The following ZNF556 variants were observed in gnomAD, a reference collection of about 807,000 sequenced individuals.
The protein encoded by ZNF556 is zinc finger protein 556.
In ZNF556, 11 loss-of-function variants were observed where a neutral mutation model predicts 13.6. The observed-to-expected ratio is 0.81, with a 90% CI of 0.51 to 1.33. The LOEUF (loss-of-function observed/expected upper bound fraction) is 1.33. ZNF556 is among the 40% of genes most tolerant of loss of function. The pLI, the probability that ZNF556 is intolerant of heterozygous loss-of-function variation, is 0.00. For synonymous variants in ZNF556, 229 were observed against 207.8 expected (o/e 1.10, Z -0.88); for missense variants, 633 against 566.2 (o/e 1.12, Z -1.20).
Position 2,873,168 on chromosome 19 carries a change from AATC to A in ZNF556, c.4-327_4-325del, listed in dbSNP as rs2087819595. 7.9e-5 allele frequency among the ~76,000 whole-genome samples: 12 copies of A among 152,054 alleles called. No individual in the cohort carries two copies. The East Asian group carries it at 2.3e-3, about 29-fold the overall frequency. The stretch of plus-strand genomic sequence containing the variant: ...AAAAATGAAATGTACTAAGAGTGTA[AATC>A]TTACTTGTTCTTACCATCAGATTTT... On this transcript the variant is annotated intron_variant, in intron 1 of 3. Coordinates refer to ENST00000307635, the MANE Select transcript of ZNF556 (RefSeq NM_024967.3).
At chr19:2,874,339 G>A (rs988560704) in intron 2 of ZNF556, among the ~76,000 whole-genome samples, 3 of 152,122 alleles carry the variant, frequency 2.0e-5, no homozygotes, top group African/African-American at 7.2e-5. Flanking sequence ...GGAATACATT[G>A]GTTAATAAGA....
In ZNF556 at chr19:2,867,371, C is replaced by T; in HGVS notation, c.-51C>T. On this transcript the variant is annotated 5_prime_UTR_variant, in exon 1 of 4. Transcript: ENST00000307635. The stretch of plus-strand genomic sequence containing the variant: ...GGTGTCCCCGTCGTGCTCACCTGCA[C>T]CGGCTGCGAGGAGCAGGGAGCTCCT... The T allele has an allele frequency of 1.3e-6, 2 of 1,567,706 alleles. No individual in the cohort carries two copies. Among genetic ancestry groups the T allele is most frequent in the Non-Finnish European group, 1.7e-6 (2 of 1,155,934 alleles).
Position 2,878,313 on chromosome 19 carries a change from C to G in ZNF556, c.1355C>G (p.Ser452Cys). Residue 452 changes from serine to cysteine, a missense_variant, in exon 4 of 4, where the codon TCC (serine) becomes TGC (cysteine). Physicochemically the swap from Ser to Cys is moderately radical, Grantham distance 112. Coordinates refer to ENST00000307635, the MANE Select transcript of ZNF556 (RefSeq NM_024967.3). ...GHVRSHTGKK[S>C]CTSK is the part of the protein sequence containing the mutation. ...GTGAGAAGTCACACAGGAAAGAAAT[C>G]CTGTACATCTAAGTAATGGGGGAAA... 6.2e-7 allele frequency: 1 copy of G among 1,613,242 alleles called. No individual in the cohort carries two copies.
At position 2,877,536 on chromosome 19, in the gene ZNF556, A is replaced by G. The variant is rs1007151111; in HGVS notation, c.578A>G (p.His193Arg). Reference sequence around the variant, plus strand: ...AGTCGCCCTTCCTACCTACAGACGCATGAGAAAACTCACAGTGGAGAGAAA... The same window carrying G: ...AGTCGCCCTTCCTACCTACAGACGCGTGAGAAAACTCACAGTGGAGAGAAA... ...AFSRPSYLQT[H>R]EKTHSGEKPY... The change falls in exon 4 of 4, where the codon CAT becomes CGT. Residue 193 changes from histidine (H) to arginine (R), a missense_variant. Transcript: ENST00000307635. The G allele has an allele frequency of 2.5e-6, 4 of 1,614,082 alleles. No individual in the cohort carries two copies. The Admixed American group carries it at 5.0e-5, about 20-fold the overall frequency.
intron 2 of ZNF556, among the ~76,000 whole-genome samples, 169 bp from the exon 3 acceptor site, chr19:2,875,924 G>A (rs1015146267): frequency 8.5e-5 from 13 of 152,126 alleles, no homozygotes; most frequent in Middle Eastern, 3.4e-3. Context: ...AGATCGCGCC[G>A]CTGCACTCCA....
chr19:2,870,592 C>G (rs959086507), intron 1 of ZNF556, among the ~76,000 whole-genome samples: 12 of 151,276 alleles, frequency 7.9e-5, no homozygotes, highest in African/African-American at 2.7e-4. Flanking sequence ...ACTAAAAATA[C>G]AAAAATCAGT....
In ZNF556 at chr19:2,882,361, G is replaced by C. The variant is rs1419960216; in HGVS notation, c.*4032G>C. 2 of 151,532 alleles carry C rather than the reference G, an allele frequency of 1.3e-5. No homozygotes were observed. The highest frequency in any genetic ancestry group is 2.9e-5 in the Non-Finnish European group (2 of 67,902). The allele number at this position is 151,532 out of a possible 1,614,324, so 9.4% of individuals were successfully genotyped here. ...GAGAATGGCGTGAACCCAGGAGGCG[G>C]AACTTGCAGTGAGCAGAGATCGAAC... On this transcript the variant is annotated 3_prime_UTR_variant, in exon 4 of 4. Transcript: ENST00000307635.
At chr19:2,874,515 C>T (rs1039440814) in intron 2 of ZNF556, among the ~76,000 whole-genome samples, 11 of 151,912 alleles carry the variant, frequency 7.2e-5, no homozygotes, top group Admixed American at 2.6e-4. Flanking sequence ...GAGGCCGAGG[C>T]GGGCGGATCA....
Position 2,882,531 on chromosome 19 carries a change from A to ATATATATATAGTGTGTGTGTGTGTGT in ZNF556, c.*4202_*4203insTATATATATAGTGTGTGTGTGTGTGT, listed in dbSNP as rs57053138. The ATATATATATAGTGTGTGTGTGTGTGT allele has an allele frequency of 2.3e-5, 3 of 127,722 alleles. No individual in the cohort carries two copies. Among genetic ancestry groups the ATATATATATAGTGTGTGTGTGTGTGT allele is most frequent in the African/African-American group, 9.1e-5 (3 of 32,940 alleles). 7.9% of individuals were successfully genotyped at this position (127,722 alleles called of 1,614,324 possible). A position where few individuals can be genotyped will look rare whatever the true frequency, so the allele number is the denominator to read the frequency against. On this transcript the variant is annotated 3_prime_UTR_variant, in exon 4 of 4. Coordinates refer to ENST00000307635, the MANE Select transcript of ZNF556 (RefSeq NM_024967.3). ...ATACATTTTATATATATATATATAT[A>ATATATATATAGTGTGTGTGTGTGTGT]GTGTGTGTGTGTGTGTGTGTGTGTG...
At position 2,881,006 on chromosome 19, in the gene ZNF556, T is replaced by A. The variant is rs1358673658; in HGVS notation, c.*2677T>A. 6.6e-6 allele frequency: 1 copy of A among 151,328 alleles called. No homozygotes were observed. The highest frequency in any genetic ancestry group is 1.5e-5 in the Non-Finnish European group (1 of 67,922). The allele number at this position is 151,328 out of a possible 1,614,324, so 9.4% of individuals were successfully genotyped here. A position where few individuals can be genotyped will look rare whatever the true frequency, so the allele number is the denominator to read the frequency against. On this transcript the variant is annotated 3_prime_UTR_variant, in exon 4 of 4. Coordinates refer to ENST00000307635, the MANE Select transcript of ZNF556 (RefSeq NM_024967.3). ...CCTCAGCCTCCTGAAGAGCTGGGAT[T>A]ACAGGCACCCGCCACCACACCCGGC...
chr19:2,882,602 T>G lies in ZNF556; in HGVS notation c.*4273T>G, dbSNP rs1414604424. 3.3e-5 allele frequency: 5 copies of G among 150,986 alleles called. No individual in the cohort carries two copies. Among genetic ancestry groups the G allele is most frequent in the African/African-American group, 9.8e-5 (4 of 40,838 alleles). The allele number at this position is 150,986 out of a possible 1,614,324, so 9.4% of individuals were successfully genotyped here. A position where few individuals can be genotyped will look rare whatever the true frequency, so the allele number is the denominator to read the frequency against. On this transcript the variant is annotated 3_prime_UTR_variant, in exon 4 of 4. Transcript: ENST00000307635. ...ACGGAGTTTTGCTCTGTTGCCAGGC[T>G]GGAGTGCAGTGGTGCGATCTCAGCT... is the stretch of plus-strand genomic sequence containing the variant.
rs377752421 is a variant in ZNF556, at chr19:2,867,712, C to CAAAAAA, written c.3+289_3+294dup. Among the ~76,000 whole-genome samples, 12 of 85,556 alleles carry CAAAAAA rather than the reference C, an allele frequency of 1.4e-4. 3 individuals are homozygous for CAAAAAA. Among genetic ancestry groups the CAAAAAA allele is most frequent in the Admixed American group, 3.6e-4 (3 of 8,244 alleles). The allele number at this position is 85,556 out of a possible 152,430, so 56.1% of individuals were successfully genotyped here. The stretch of plus-strand genomic sequence containing the variant: ...TTGGAAGAAAAACTAACCCAAAGTA[C>CAAAAAA]AAAAAACAAAACAAAAAAAAAAAAA... On this transcript the variant is annotated intron_variant, in intron 1 of 3. Transcript: ENST00000307635.
chr19:2,871,952 G>C (rs111453007), intron 1 of ZNF556, among the ~76,000 whole-genome samples: 7,303 of 152,228 alleles, frequency 0.048, 581 homozygotes, highest in African/African-American at 0.17. Context: ...CCTTCCCTGC[G>C]TGGCAGCCGA....
chr19:2,868,782 G>C (rs978524592), intron 1 of ZNF556, among the ~76,000 whole-genome samples: 1 of 150,244 alleles, frequency 6.7e-6, no homozygotes, highest in African/African-American at 2.5e-5. Context: ...GCAATGGCGC[G>C]ATCTCTGCTT....
In ZNF556 at chr19:2,878,341, C is replaced by G; in HGVS notation, c.*12C>G. On this transcript the variant is annotated 3_prime_UTR_variant, in exon 4 of 4. Coordinates refer to ENST00000307635, the MANE Select transcript of ZNF556 (RefSeq NM_024967.3). ...GTACATCTAAGTAATGGGGGAAAAC[C>G]TGTGCAAATTAATTCACATACATGG... The G allele has an allele frequency of 6.2e-7, 1 of 1,608,116 alleles. No individual in the cohort carries two copies. Among genetic ancestry groups the G allele is most frequent in the Middle Eastern group, 1.7e-4 (1 of 6,024 alleles).
At position 2,878,612 on chromosome 19, in the gene ZNF556, C is replaced by CT; in HGVS notation, c.*285dup. ...AACGGCGTGAACCCGGGAGGCGGAG[C>CT]TTGCAGTGAGCCGAGATGGCACCAC... On this transcript the variant is annotated 3_prime_UTR_variant, in exon 4 of 4. Transcript: ENST00000307635. 3.6e-6 allele frequency: 1 copy of CT among 276,512 alleles called. No individual in the cohort carries two copies. Among genetic ancestry groups the CT allele is most frequent in the Non-Finnish European group, 6.9e-6 (1 of 144,210 alleles). 17.1% of individuals were successfully genotyped at this position (276,512 alleles called of 1,614,324 possible).
At position 2,872,131 on chromosome 19, in the gene ZNF556, T is replaced by C. The variant is rs940581415; in HGVS notation, c.4-1365T>C. ...GGAGCGTGACCACTGAAGCACAGTA[T>C]CACAGGGAGGCGGTTAGGCCTCGGG... On this transcript the variant is annotated intron_variant, in intron 1 of 3. Transcript: ENST00000307635. Among the ~76,000 whole-genome samples the C allele has an allele frequency of 2.0e-5, 3 of 152,104 alleles. No homozygotes were observed. The East Asian group carries it at 5.8e-4, about 29-fold the overall frequency.
At chr19:2,874,878 G>A (rs1449298328) in intron 2 of ZNF556, 1 of 147,176 alleles carries the variant, frequency 6.8e-6, no homozygotes, top group African/African-American at 2.5e-5. Flanking sequence ...ATTTTTCTGT[G>A]TATTTAAAAT....
At position 2,878,791 on chromosome 19, in the gene ZNF556, C is replaced by T. The variant is rs1300908554; in HGVS notation, c.*462C>T. The T allele has an allele frequency of 6.4e-6, 1 of 155,730 alleles. No individual in the cohort carries two copies. The highest frequency in any genetic ancestry group is 1.4e-5 in the Non-Finnish European group (1 of 70,252). 9.6% of individuals were successfully genotyped at this position (155,730 alleles called of 1,614,324 possible). A position where few individuals can be genotyped will look rare whatever the true frequency, so the allele number is the denominator to read the frequency against. ...CTCTAGCAAATGAATTTGCAGTTCT[C>T]TTGCAGGTAAAGTTGAGGGGAGAAT... On this transcript the variant is annotated 3_prime_UTR_variant, in exon 4 of 4. Transcript: ENST00000307635.
Sources: gnomAD v4.1 joint callset for allele counts (sites outside exome capture counted in the v4.1 genomes callset) on GRCh38, gnomAD v4.1.1 for gene constraint, MANE v1.5 for transcripts, NCBI Gene and HGNC (gene_info 2026-07-23, HGNC 2026-07-21) for gene names.